Variants in CCDC171 observed in about 807,000 individuals in gnomAD.
The protein encoded by CCDC171 is coiled-coil domain-containing protein 171.
A neutral mutation model predicts 168.2 loss-of-function variants in CCDC171; 177 were observed. The observed-to-expected ratio is 1.05, with a 90% CI of 0.93 to 1.19. CCDC171 has a LOEUF of 1.19. Among genes scored for constraint, CCDC171 ranks in the 50% most tolerant of loss-of-function variants. The pLI is 0.00. For missense variants in CCDC171, 1,991 were observed against 1,539.0 expected, an observed-to-expected ratio of 1.29 and a Z score of -4.91; for synonymous variants, 687 against 540.8, an observed-to-expected ratio of 1.27 and a Z score of -3.75.
chr9:15,690,286 T>G (rs2050697255), intron 10 of CCDC171, among the ~76,000 whole-genome samples: 1 of 152,156 alleles, frequency 6.6e-6, no homozygotes, highest in Admixed American at 6.5e-5. Context: ...CTCAGTCAAG[T>G]TTAAAAAAAA....
intron 7 of CCDC171, among the ~76,000 whole-genome samples, chr9:15,648,691 G>T (rs149680110): frequency 1.3e-4 from 20 of 152,030 alleles, no homozygotes; most frequent in Non-Finnish European, 5.9e-5. Context: ...AACTTACAAG[G>T]GATGTGAAAG....
At chr9:15,810,381 C>G (rs1388402228) in intron 21 of CCDC171, among the ~76,000 whole-genome samples, 3 of 152,178 alleles carry the variant, frequency 2.0e-5, no homozygotes, top group Non-Finnish European at 4.4e-5. Flanking sequence ...GCCTGCCAGT[C>G]CCACACTGTG....
intron 2 of CCDC171, among the ~76,000 whole-genome samples, chr9:15,566,364 C>T (rs1586998934): frequency 6.6e-6 from 1 of 151,936 alleles, no homozygotes; most frequent in African/African-American, 2.4e-5. Context: ...TCGAGACCAG[C>T]CTGGCCAATA....
At chr9:15,673,581 C>T (rs2049287952) in intron 9 of CCDC171, among the ~76,000 whole-genome samples, 2 of 152,090 alleles carry the variant, frequency 1.3e-5, no homozygotes. Context: ...CTGTCAAAGG[C>T]CTTTTATGCA....
intron 25 of CCDC171, among the ~76,000 whole-genome samples, chr9:15,969,476 G>C (rs980641730): frequency 7.2e-5 from 11 of 152,082 alleles, no homozygotes; most frequent in Non-Finnish European, 4.4e-5. Context: ...TGGTCAGTTT[G>C]GCATAGTTAC....
intron 3 of CCDC171, among the ~76,000 whole-genome samples, chr9:15,979,459 C>T (rs940453206): frequency 1.3e-5 from 2 of 152,004 alleles, no homozygotes; most frequent in Non-Finnish European, 1.5e-5. Flanking sequence ...GAAGATGTTC[C>T]CTTCAATTTT....
chr9:15,849,126 G>A (rs1386223302), intron 23 of CCDC171, among the ~76,000 whole-genome samples, 179 bp downstream of exon 23: 1 of 151,526 alleles, frequency 6.6e-6, no homozygotes, highest in Non-Finnish European at 1.5e-5. Flanking sequence ...CTTTTTTTCA[G>A]AATTCACTTT....
At chr9:15,560,087 C>T (rs1165304053) in intron 1 of CCDC171, among the ~76,000 whole-genome samples, 2 of 152,302 alleles carry the variant, frequency 1.3e-5, no homozygotes, top group African/African-American at 4.8e-5. Flanking sequence ...TGTAGAGTTT[C>T]TGCTGAGAGA....
At chr9:15,920,120 A>T (rs1048423852) in intron 24 of CCDC171, 150 bp from the exon 25 acceptor site, 1 of 456,528 alleles carries the variant, frequency 2.2e-6, no homozygotes. Context: ...TGTTCTCAAT[A>T]TAAAATGTTA....
At chr9:15,814,648 C>A (rs751648867) in intron 21 of CCDC171, among the ~76,000 whole-genome samples, 13 of 151,610 alleles carry the variant, frequency 8.6e-5, no homozygotes, top group Non-Finnish European at 1.8e-4. Flanking sequence ...TTATAACTTA[C>A]AATTGCGTAT....
intron 25 of CCDC171, among the ~76,000 whole-genome samples, chr9:15,934,167 G>A (rs1426570592): frequency 6.6e-6 from 1 of 151,826 alleles, no homozygotes; most frequent in Non-Finnish European, 1.5e-5. Flanking sequence ...GCTGAGGCAG[G>A]AGGATCACTT....
At position 15,951,429 on chromosome 9, in the gene CCDC171, A is replaced by G. The variant is rs1041546767; in HGVS notation, c.3754-20180A>G. On this transcript the variant is annotated intron_variant, in intron 25 of 25. Coordinates refer to ENST00000380701, the MANE Select transcript of CCDC171 (RefSeq NM_173550.4). ...ATAATGTTTTCTACACTGTTGTACTATTTTACATTTCCACCAACAGAGCAA... is the reference window on the plus strand; with the variant it reads ...ATAATGTTTTCTACACTGTTGTACTGTTTTACATTTCCACCAACAGAGCAA... Among the ~76,000 whole-genome samples, 5 of 152,204 alleles carry G rather than the reference A, an allele frequency of 3.3e-5. No homozygotes were observed. The South Asian group carries it at 8.3e-4, about 25-fold the overall frequency.
intron 21 of CCDC171, among the ~76,000 whole-genome samples, chr9:15,786,500 C>A (rs1055829344): frequency 6.6e-6 from 1 of 151,970 alleles, no homozygotes; most frequent in South Asian, 2.1e-4. Flanking sequence ...AATAAAAATA[C>A]AATCATACTA....
At chr9:15,626,312 T>C (rs993339022) in intron 7 of CCDC171, among the ~76,000 whole-genome samples, 2 of 152,196 alleles carry the variant, frequency 1.3e-5, no homozygotes, top group African/African-American at 4.8e-5. Context: ...TATTTCTTTC[T>C]CCTGCCTGAT....
At chr9:15,683,907 G>C (rs1039914666) in intron 10 of CCDC171, among the ~76,000 whole-genome samples, 1 of 152,066 alleles carries the variant, frequency 6.6e-6, no homozygotes, top group Non-Finnish European at 1.5e-5. Flanking sequence ...GCTAAGTAAA[G>C]AAGGGTAACA....
intron 16 of CCDC171, among the ~76,000 whole-genome samples, chr9:15,743,628 A>C (rs1485134390): frequency 1.3e-5 from 2 of 152,236 alleles, no homozygotes; most frequent in Non-Finnish European, 2.9e-5. Context: ...TTGATTAGGC[A>C]AAAAGGAGCA....
intron 8 of CCDC171, among the ~76,000 whole-genome samples, chr9:15,661,775 T>A (rs1423199875): frequency 6.6e-6 from 1 of 152,242 alleles, no homozygotes; most frequent in Non-Finnish European, 1.5e-5. Context: ...TTTCAATTGA[T>A]TGGTTTACCA....
At chr9:15,557,017 T>C (rs1287954500) in intron 1 of CCDC171, among the ~76,000 whole-genome samples, 4 of 152,204 alleles carry the variant, frequency 2.6e-5, no homozygotes, top group African/African-American at 9.6e-5. Flanking sequence ...CCATTGCTTG[T>C]TTTTGTCAGG....
chr9:15,700,880 C>G (rs1023404869), intron 11 of CCDC171, among the ~76,000 whole-genome samples: 4 of 151,988 alleles, frequency 2.6e-5, no homozygotes, highest in African/African-American at 9.7e-5. Context: ...TCTCTTTTAT[C>G]CACATCTTCC....
Sources: gnomAD v4.1 joint callset for allele counts (sites outside exome capture counted in the v4.1 genomes callset) on GRCh38, gnomAD v4.1.1 for gene constraint, MANE v1.5 for transcripts, NCBI Gene and HGNC (gene_info 2026-07-23, HGNC 2026-07-21) for gene names.